Variants in EHBP1 observed in about 807,000 individuals in gnomAD.
EHBP1 encodes the protein EH domain-binding protein 1.
EHBP1 carries 55 observed loss-of-function variants against 144.0 expected under a neutral mutation model. The ratio of observed to expected loss-of-function variants is 0.38; its 90% CI spans 0.31 to 0.48. The LOEUF (loss-of-function observed/expected upper bound fraction) is 0.48, where lower values mean the gene tolerates loss of function less well. Ranked by LOEUF, EHBP1 falls within the 20% of genes least tolerant of loss-of-function variation. The pLI is 0.98. For synonymous variants in EHBP1, 469 were observed against 472.7 expected, an observed-to-expected ratio of 0.99 and a Z score of 0.10; for missense variants, 1,200 against 1,364.2, an observed-to-expected ratio of 0.88 and a Z score of 1.90.
chr2:62,957,689 A>G (rs1170969434), intron 14 of EHBP1, among the ~76,000 whole-genome samples: 1 of 111,320 alleles, frequency 9.0e-6, no homozygotes, highest in Non-Finnish European at 1.6e-5. Flanking sequence ...CATGTCACCC[A>G]GGCTGGAGCG....
intron 9 of EHBP1, among the ~76,000 whole-genome samples, chr2:62,868,711 G>A (rs2050231603): frequency 6.6e-6 from 1 of 152,116 alleles, no homozygotes; most frequent in Non-Finnish European, 1.5e-5. Context: ...TACTCAGGAG[G>A]CTGTGGTTGG....
intron 2 of EHBP1, among the ~76,000 whole-genome samples, chr2:62,720,358 C>G (rs971905418): frequency 1.3e-5 from 2 of 152,108 alleles, no homozygotes; most frequent in East Asian, 3.9e-4. Flanking sequence ...CTAAAATTAG[C>G]CTTCCTTTAA....
intron 10 of EHBP1, among the ~76,000 whole-genome samples, chr2:62,893,582 T>G (rs1425457452): frequency 6.6e-6 from 1 of 152,234 alleles, no homozygotes; most frequent in African/African-American, 2.4e-5. Context: ...TAAGAAATGT[T>G]TATTAATGAT....
chr2:62,879,049 A>G (rs2051138807), intron 10 of EHBP1, among the ~76,000 whole-genome samples: 1 of 151,960 alleles, frequency 6.6e-6, no homozygotes, highest in Non-Finnish European at 1.5e-5. Context: ...CTACATGTTT[A>G]TCTGAGTAAA....
intron 7 of EHBP1, among the ~76,000 whole-genome samples, chr2:62,846,423 G>T (rs2048305745): frequency 6.6e-6 from 1 of 152,174 alleles, no homozygotes; most frequent in South Asian, 2.1e-4. Flanking sequence ...TTCAACAGAT[G>T]CAGAAAGGAA....
chr2:62,696,252 C>T (rs1020142995), intron 1 of EHBP1, among the ~76,000 whole-genome samples: 14 of 150,952 alleles, frequency 9.3e-5, no homozygotes, highest in African/African-American at 3.4e-4. Context: ...CTCACTGCAG[C>T]CTCTTCCTCC....
chr2:62,711,673 T>G (rs1001064220), intron 2 of EHBP1, among the ~76,000 whole-genome samples: 1 of 151,240 alleles, frequency 6.6e-6, no homozygotes, highest in African/African-American at 2.4e-5. Context: ...CATATAGAGG[T>G]GAGGAAGGAG....
intron 10 of EHBP1, among the ~76,000 whole-genome samples, chr2:62,918,505 G>T (rs1276839808): frequency 1.3e-5 from 2 of 152,098 alleles, no homozygotes; most frequent in Non-Finnish European, 2.9e-5. Context: ...AAACATCAGG[G>T]ATATAAATAT....
chr2:62,985,963 A>G (rs981963389), intron 15 of EHBP1, among the ~76,000 whole-genome samples: 1 of 152,178 alleles, frequency 6.6e-6, no homozygotes, highest in African/African-American at 2.4e-5. Context: ...AGTGTTTTTC[A>G]TATTGTGTAT....
intron 9 of EHBP1, among the ~76,000 whole-genome samples, chr2:62,874,049 T>C (rs1303870012): frequency 6.6e-6 from 1 of 152,202 alleles, no homozygotes; most frequent in East Asian, 1.9e-4. Context: ...ATGGAAAATA[T>C]ACACGATTTA....
At chr2:62,999,305 C>T (rs1381322910) in intron 19 of EHBP1, among the ~76,000 whole-genome samples, 3 of 152,108 alleles carry the variant, frequency 2.0e-5, no homozygotes, top group Non-Finnish European at 2.9e-5. Context: ...TAGATACTGA[C>T]TATATTCAGG....
intron 10 of EHBP1, among the ~76,000 whole-genome samples, chr2:62,932,768 A>G (rs778800041): frequency 2.0e-5 from 3 of 152,160 alleles, no homozygotes; most frequent in Non-Finnish European, 4.4e-5. Context: ...AGCCTGGGCA[A>G]CGTGGCGGAA....
intron 10 of EHBP1, among the ~76,000 whole-genome samples, chr2:62,902,645 G>A (rs946058748): frequency 6.6e-6 from 1 of 152,112 alleles, no homozygotes; most frequent in Non-Finnish European, 1.5e-5. Context: ...ATGTTGGGCT[G>A]TAATAGTTAA....
chr2:62,810,222 T>A (rs1357670987), intron 5 of EHBP1, among the ~76,000 whole-genome samples: 1 of 152,208 alleles, frequency 6.6e-6, no homozygotes, highest in African/African-American at 2.4e-5. Context: ...TGTGGTGAAT[T>A]TTCTTATGTA....
At chr2:62,760,512 G>T (rs2040683358) in intron 3 of EHBP1, among the ~76,000 whole-genome samples, 1 of 152,120 alleles carries the variant, frequency 6.6e-6, no homozygotes, top group Non-Finnish European at 1.5e-5. Context: ...TGTTTGTTCA[G>T]CAGTCTAATT....
At chr2:62,891,516 C>T (rs1336476055) in intron 10 of EHBP1, among the ~76,000 whole-genome samples, 1 of 152,076 alleles carries the variant, frequency 6.6e-6, no homozygotes, top group African/African-American at 2.4e-5. Context: ...CTTAATATTC[C>T]TTTTACTGTC....
At chr2:63,025,069 T>C (rs943482383) in intron 19 of EHBP1, among the ~76,000 whole-genome samples, 1 of 152,234 alleles carries the variant, frequency 6.6e-6, no homozygotes, top group Admixed American at 6.5e-5. Context: ...AGTTTGGTTT[T>C]AGATAATGGA....
chr2:62,729,537 A>T (rs1208821501), intron 2 of EHBP1, among the ~76,000 whole-genome samples: 2 of 121,456 alleles, frequency 1.6e-5, no homozygotes, highest in African/African-American at 3.3e-5. Context: ...TAATATATAT[A>T]ATATATATTA....
At chr2:62,999,040 A>C (rs938017720) in intron 19 of EHBP1, among the ~76,000 whole-genome samples, 1 of 151,968 alleles carries the variant, frequency 6.6e-6, no homozygotes, top group African/African-American at 2.4e-5. Context: ...TTGGTATGTT[A>C]GACATTTCAG....
Sources: allele counts gnomAD v4.1 joint callset (sites outside exome capture counted in the v4.1 genomes callset), GRCh38; gene constraint gnomAD v4.1.1; transcripts MANE v1.5; gene names NCBI Gene and HGNC (gene_info 2026-07-23, HGNC 2026-07-21).